The following ABCC1 variants were observed in gnomAD, a reference collection of about 807,000 sequenced individuals.
The protein encoded by ABCC1 is multidrug resistance-associated protein 1.
Under a neutral mutation model 172.9 loss-of-function variants are expected in ABCC1, and 83 were observed. The observed-to-expected ratio is 0.48, with a 90% confidence interval of 0.40 to 0.58. The LOEUF (loss-of-function observed/expected upper bound fraction) is 0.58, where lower values mean the gene tolerates loss of function less well. ABCC1 is among the 20% of genes least tolerant of loss of function. ABCC1 has a pLI of 0.00. For missense variants in ABCC1, 1,817 were observed against 2,002.7 expected (o/e 0.91, Z 1.77); for synonymous variants, 937 against 825.2 (o/e 1.14, Z -2.32).
intron 28 of ABCC1, 75 bp downstream of exon 28, chr16:16,134,583 A>T (rs866296162): frequency 4.9e-6 from 6 of 1,225,206 alleles, no homozygotes; most frequent in Non-Finnish European, 6.8e-6. Context: ...TGGTGTATGT[A>T]TATTTTTGGG....
chr16:16,060,010 A>C (rs1428800069), intron 12 of ABCC1, among the ~76,000 whole-genome samples: 1 of 152,128 alleles, frequency 6.6e-6, no homozygotes, highest in South Asian at 2.1e-4. Context: ...AAAAATAAAA[A>C]AAATGAAATC....
intron 28 of ABCC1, among the ~76,000 whole-genome samples, chr16:16,135,052 C>T (rs1298358041): frequency 6.6e-6 from 1 of 152,148 alleles, no homozygotes; most frequent in African/African-American, 2.4e-5. Context: ...TTCCTGTCCC[C>T]GGGAGGGGTA....
chr16:16,065,911 A>G (rs2050097531), intron 12 of ABCC1, among the ~76,000 whole-genome samples: 1 of 152,328 alleles, frequency 6.6e-6, no homozygotes, highest in Admixed American at 6.5e-5. Context: ...ATAATTCACC[A>G]TTTAAAAGTG....
intron 1 of ABCC1, among the ~76,000 whole-genome samples, chr16:15,971,868 G>A (rs1272216022): frequency 3.9e-5 from 6 of 152,268 alleles, no homozygotes; most frequent in East Asian, 3.9e-4. Flanking sequence ...ACAGACACAC[G>A]TGGAGTGGTT....
At chr16:16,035,158 T>TGG (rs2048708071) in intron 6 of ABCC1, among the ~76,000 whole-genome samples, 1 of 152,134 alleles carries the variant, frequency 6.6e-6, no homozygotes, top group Non-Finnish European at 1.5e-5. Context: ...TGTTAGCACT[T>TGG]TCAGAGGCCA....
intron 28 of ABCC1, among the ~76,000 whole-genome samples, 170 bp downstream of exon 28, chr16:16,134,678 C>A (rs1358279751): frequency 7.1e-6 from 1 of 141,392 alleles, no homozygotes; most frequent in Non-Finnish European, 1.5e-5. Context: ...GCTCTGTTGC[C>A]CAGAGTGGAG....
chr16:16,130,587 TGTC>T (rs1331422527), intron 26 of ABCC1, among the ~76,000 whole-genome samples: 1 of 152,194 alleles, frequency 6.6e-6, no homozygotes, highest in Non-Finnish European at 1.5e-5. Flanking sequence ...GGCACACTGT[TGTC>T]TAAACCGTAA....
intron 5 of ABCC1, 100 bp downstream of exon 5, chr16:16,016,721 C>G: frequency 6.6e-7 from 1 of 1,509,062 alleles, no homozygotes; most frequent in South Asian, 1.3e-5. Context: ...GGATCTCGTT[C>G]CAGCCTCCCT....
At chr16:15,961,020 TTTTTA>T (rs796836970) in intron 1 of ABCC1, among the ~76,000 whole-genome samples, 3,125 of 74,074 alleles carry the variant, frequency 0.042, 121 homozygotes, top group Admixed American at 0.12. Flanking sequence ...TTTTTTTTTT[TTTTTA>T]AAATAGATGG....
chr16:16,126,118 C>G (rs1050375349), intron 26 of ABCC1, among the ~76,000 whole-genome samples: 17 of 152,198 alleles, frequency 1.1e-4, no homozygotes, highest in Non-Finnish European at 2.4e-4. Flanking sequence ...TACCCAAGAT[C>G]TGGGGTATCC....
chr16:15,966,667 T>TTC (rs71134493), intron 1 of ABCC1, among the ~76,000 whole-genome samples: 1 of 150,908 alleles, frequency 6.6e-6, no homozygotes, highest in Admixed American at 6.6e-5. Flanking sequence ...TTTTTTTTTT[T>TTC]AGAGACAGAG....
intron 1 of ABCC1, among the ~76,000 whole-genome samples, chr16:15,984,463 A>C (rs1419824301): frequency 3.0e-5 from 1 of 33,010 alleles, no homozygotes; most frequent in Admixed American, 2.2e-4. Flanking sequence ...TTTTTTTTTG[A>C]GATAGAGTCT....
intron 1 of ABCC1, among the ~76,000 whole-genome samples, chr16:15,956,046 C>T (rs773257002): frequency 4.0e-5 from 6 of 151,712 alleles, no homozygotes; most frequent in Non-Finnish European, 8.8e-5. Flanking sequence ...TCAGGAGTTC[C>T]AGACTAGTCT....
intron 1 of ABCC1, among the ~76,000 whole-genome samples, chr16:15,952,375 AGGTCAT>A (rs1384336081): frequency 1.3e-5 from 2 of 152,120 alleles, no homozygotes; most frequent in Non-Finnish European, 1.5e-5. Context: ...GTTGTGACCA[AGGTCAT>A]GTGCTTAGAA....
At chr16:16,062,699 C>G (rs1183771726) in intron 12 of ABCC1, among the ~76,000 whole-genome samples, 1 of 152,138 alleles carries the variant, frequency 6.6e-6, no homozygotes, top group Admixed American at 6.6e-5. Context: ...CTTTAGTTCC[C>G]CTGGAAGGTG....
intron 3 of ABCC1, 71 bp from the exon 4 acceptor site, chr16:16,014,420 C>CT (rs45565637): frequency 1.2e-3 from 1,857 of 1,557,254 alleles, no homozygotes; most frequent in Non-Finnish European, 1.5e-3. Context: ...GCGCTCCAGC[C>CT]TGGGTGACAA....
chr16:16,071,675 C>T lies in ABCC1; in HGVS notation c.1858C>T (p.Leu620Phe), dbSNP rs926309850. ...CTCCCTCAAACGCCTGAGGATCTTT[C>T]TCTCCCATGAGGAGCTGGAACCTGA... Reference protein sequence around the residue: ...SVSLKRLRIFLSHEELEPDSI... With the variant: ...SVSLKRLRIFFSHEELEPDSI... Residue 620 changes from leucine to phenylalanine, a missense_variant, in exon 14 of 31, where the codon CTC becomes TTC. Physicochemically the swap from Leu to Phe is conservative, Grantham distance 22 (BLOSUM62 0). Around this residue, in one of 3 missense-constraint regions of ABCC1, gnomAD observed 1,412 missense variants for 1,600.3 expected, o/e 0.88. Transcript: ENST00000399410. 1.2e-6 allele frequency: 2 copies of T among 1,614,076 alleles called. No homozygotes were observed. Among genetic ancestry groups the T allele is most frequent in the Non-Finnish European group, 1.7e-6 (2 of 1,179,984 alleles).
Position 16,039,239 on chromosome 16 carries a change from A to ATGTGTG in ABCC1, c.809+2654_809+2659dup, listed in dbSNP as rs71137905. On this transcript the variant is annotated intron_variant, in intron 7 of 30. Transcript: ENST00000399410. ...TGTGTGTGTGTGTGTGTGTGTATGT[A>ATGTGTG]TGTGTGTGTGTGTGTGTGTGTGTTT... 1.3e-4 allele frequency among the ~76,000 whole-genome samples: 16 copies of ATGTGTG among 119,574 alleles called. 1 individual carries two copies. Among genetic ancestry groups the ATGTGTG allele is most frequent in the African/African-American group, 3.2e-4 (10 of 30,880 alleles). The allele number at this position is 119,574 out of a possible 152,430, so 78.4% of individuals were successfully genotyped here. A position where few individuals can be genotyped will look rare whatever the true frequency, so the allele number is the denominator to read the frequency against.
chr16:16,039,333 T>G (rs2048887215), intron 7 of ABCC1, among the ~76,000 whole-genome samples: 1 of 144,200 alleles, frequency 6.9e-6, no homozygotes, highest in Admixed American at 7.0e-5. Flanking sequence ...AGTAGTGTGA[T>G]CTCGGCTCAC....
Sources: gnomAD v4.1 joint callset for allele counts (sites outside exome capture counted in the v4.1 genomes callset) on GRCh38, gnomAD v4.1.1 for gene constraint, gnomAD v4.1.1 regional missense constraint, MANE v1.5 for transcripts, NCBI Gene and HGNC (gene_info 2026-07-23, HGNC 2026-07-21) for gene names.